Variants in COL25A1 observed in about 807,000 individuals in gnomAD.
COL25A1 encodes the protein collagen type XXV alpha 1 chain, also known as collagen alpha-1(XXV) chain.
In COL25A1, 103 loss-of-function variants were observed where a neutral mutation model predicts 128.4. The observed-to-expected ratio is 0.80, with a 90% CI of 0.68 to 0.94. The LOEUF is 0.94. Ranked by LOEUF, COL25A1 falls within the 40% of genes least tolerant of loss-of-function variation. The pLI is 0.00. For synonymous variants in COL25A1, 279 were observed against 277.2 expected, an observed-to-expected ratio of 1.01 and a Z score of -0.06; for missense variants, 745 against 840.0, an observed-to-expected ratio of 0.89 and a Z score of 1.40.
At chr4:109,014,343 TC>T (rs1406517610) in intron 5 of COL25A1, among the ~76,000 whole-genome samples, 1 of 152,038 alleles carries the variant, frequency 6.6e-6, no homozygotes, top group Non-Finnish European at 1.5e-5. Flanking sequence ...TTTTATAGAA[TC>T]CCAGAATATA....
rs1266196135 is a variant in COL25A1 at position 108,811,868 on chromosome 4, A to G, written c.*2059T>C. 1 of 152,162 alleles carries G rather than the reference A, an allele frequency of 6.6e-6. No individual in the cohort carries two copies. The highest frequency in any genetic ancestry group is 1.9e-4 in the East Asian group (1 of 5,200). 9.4% of individuals were successfully genotyped at this position (152,162 alleles called of 1,614,324 possible). A position where few individuals can be genotyped will look rare whatever the true frequency, so the allele number is the denominator to read the frequency against. ...GAAGATGCCATTTTGTATGACTGTC[A>G]TTTGGTTACATAACATAAATGAGAT... On this transcript the variant is annotated 3_prime_UTR_variant, in exon 38 of 38. Transcript: ENST00000399132.
chr4:109,060,896 C>G (rs1315535057), intron 3 of COL25A1, among the ~76,000 whole-genome samples: 4 of 152,046 alleles, frequency 2.6e-5, no homozygotes, highest in African/African-American at 9.7e-5. Flanking sequence ...GTTTTCAATC[C>G]CAATGCTGAT....
At chr4:109,218,371 T>TGTTTTTTTTTTTTTTTTTTG (rs1254663111) in intron 3 of COL25A1, among the ~76,000 whole-genome samples, 4 of 140,254 alleles carry the variant, frequency 2.9e-5, no homozygotes, top group East Asian at 2.1e-4. Flanking sequence ...TTTTTTTTTT[T>TGTTTTTTTTTTTTTTTTTTG]TTTTTTTTTT....
chr4:109,223,698 T>C (rs1778584980), intron 3 of COL25A1, among the ~76,000 whole-genome samples: 1 of 151,754 alleles, frequency 6.6e-6, no homozygotes, highest in Admixed American at 6.6e-5. Flanking sequence ...TACAGGAAAG[T>C]GTGCCCTATC....
chr4:109,012,993 A>G (rs1006189759), intron 5 of COL25A1, among the ~76,000 whole-genome samples: 6 of 152,212 alleles, frequency 3.9e-5, no homozygotes, highest in Non-Finnish European at 7.3e-5. Flanking sequence ...ATATGCACCA[A>G]TCAGCACTCT....
intron 3 of COL25A1, among the ~76,000 whole-genome samples, chr4:109,081,322 T>A (rs779594731): frequency 2.0e-4 from 31 of 152,148 alleles, no homozygotes; most frequent in Admixed American, 3.9e-4. Context: ...TATACAAAAA[T>A]TATAGAAAAT....
At chr4:108,917,492 G>A (rs916701239) in intron 13 of COL25A1, among the ~76,000 whole-genome samples, 1 of 152,112 alleles carries the variant, frequency 6.6e-6, no homozygotes, top group African/African-American at 2.4e-5. Context: ...TGGCTTTCCT[G>A]GTTTCTGTGA....
At chr4:108,852,519 C>A (rs909405185) in intron 25 of COL25A1, among the ~76,000 whole-genome samples, 2 of 151,968 alleles carry the variant, frequency 1.3e-5, no homozygotes, top group Admixed American at 1.3e-4. Flanking sequence ...TGGGTAGATT[C>A]GGTAAGGCAA....
In COL25A1 at chr4:109,235,742, AACTC is replaced by A. The variant is rs1375910146; in HGVS notation, c.367+64837_367+64840del. ...CAAACAAACAGCAAGGTGCAGGTAA[AACTC>A]AATCTATAGGCATAGATTGTACAAT... On this transcript the variant is annotated intron_variant, in intron 3 of 37. Coordinates refer to ENST00000399132, the MANE Select transcript of COL25A1 (RefSeq NM_198721.4). 2.6e-5 allele frequency among the ~76,000 whole-genome samples: 4 copies of A among 152,274 alleles called. No homozygotes were observed. In the South Asian group the frequency reaches 6.2e-4, roughly 24 times the overall value.
chr4:108,984,816 C>G (rs1753491102), intron 6 of COL25A1, among the ~76,000 whole-genome samples: 1 of 152,252 alleles, frequency 6.6e-6, no homozygotes, highest in Non-Finnish European at 1.5e-5. Flanking sequence ...CAGCGGCGGG[C>G]TGAAGGGCTC....
Position 108,835,861 on chromosome 4 carries a change from C to CTTTTTTTTTTT in COL25A1, c.1657-3439_1657-3429dup. 3.0e-3 allele frequency among the ~76,000 whole-genome samples: 137 copies of CTTTTTTTTTTT among 45,720 alleles called. 3 individuals are homozygous for CTTTTTTTTTTT. Among genetic ancestry groups the CTTTTTTTTTTT allele is most frequent in the Non-Finnish European group, 3.7e-3 (100 of 27,386 alleles). 30.0% of individuals were successfully genotyped at this position (45,720 alleles called of 152,430 possible). On this transcript the variant is annotated intron_variant, in intron 31 of 37. Coordinates refer to ENST00000399132, the MANE Select transcript of COL25A1 (RefSeq NM_198721.4). ...GCCACAGTGCCCGGCTTACATACGT[C>CTTTTTTTTTTT]TTTTTTTTTTTTTTTTTTTTTTTTT...
At chr4:109,176,083 G>A (rs1329933378) in intron 3 of COL25A1, among the ~76,000 whole-genome samples, 2 of 152,122 alleles carry the variant, frequency 1.3e-5, no homozygotes, top group Admixed American at 1.3e-4. Context: ...ACCCATTGAT[G>A]CTACAAAGAT....
At chr4:108,976,217 A>G (rs1752429815) in intron 6 of COL25A1, among the ~76,000 whole-genome samples, 1 of 152,152 alleles carries the variant, frequency 6.6e-6, no homozygotes, top group Non-Finnish European at 1.5e-5. Context: ...AAACTTCATT[A>G]TTTTATCTTC....
At chr4:109,007,838 A>G (rs573192821) in intron 6 of COL25A1, among the ~76,000 whole-genome samples, 1 of 152,208 alleles carries the variant, frequency 6.6e-6, no homozygotes, top group East Asian at 1.9e-4. Flanking sequence ...ATTCTTAGCC[A>G]CCATCATCCA....
At chr4:109,268,321 T>C (rs189467347) in intron 3 of COL25A1, among the ~76,000 whole-genome samples, 18 of 152,310 alleles carry the variant, frequency 1.2e-4, no homozygotes, top group Admixed American at 7.2e-4. Context: ...TTTTTCATGA[T>C]TCTTGTATCC....
At chr4:108,819,410 C>A (rs761852364) in intron 35 of COL25A1, 81 bp from the exon 36 acceptor site, 1 of 1,172,580 alleles carries the variant, frequency 8.5e-7, no homozygotes, top group South Asian at 1.4e-5. Flanking sequence ...GTAACTACAA[C>A]AACAAAGGCT....
At chr4:108,932,445 G>A (rs1320194367) in intron 11 of COL25A1, among the ~76,000 whole-genome samples, 2 of 152,156 alleles carry the variant, frequency 1.3e-5, no homozygotes, top group African/African-American at 4.8e-5. Context: ...CACCACAACA[G>A]CAAATATTTC....
intron 3 of COL25A1, among the ~76,000 whole-genome samples, chr4:109,183,819 T>A (rs1037037586): frequency 3.3e-5 from 5 of 151,838 alleles, no homozygotes; most frequent in Admixed American, 3.3e-4. Context: ...AATAGCATCA[T>A]GATTTCCAGT....
chr4:109,222,931 A>T (rs572197128), intron 3 of COL25A1, among the ~76,000 whole-genome samples: 1 of 152,348 alleles, frequency 6.6e-6, no homozygotes, highest in Admixed American at 6.5e-5. Context: ...AATCAAATTG[A>T]TTTCCTAACA....
Sources: allele counts gnomAD v4.1 joint callset (sites outside exome capture counted in the v4.1 genomes callset), GRCh38; gene constraint gnomAD v4.1.1; transcripts MANE v1.5; gene names NCBI Gene and HGNC (gene_info 2026-07-23, HGNC 2026-07-21).